Variants in RABGAP1L observed in about 807,000 individuals in gnomAD.
RABGAP1L encodes the protein rab GTPase-activating protein 1-like.
Under a neutral mutation model 137.7 loss-of-function variants are expected in RABGAP1L, and 63 were observed. The ratio of observed to expected loss-of-function variants is 0.46; its 90% confidence interval spans 0.37 to 0.56. The LOEUF (loss-of-function observed/expected upper bound fraction) is 0.56. Ranked by LOEUF, RABGAP1L falls within the 20% of genes least tolerant of loss-of-function variation. The pLI is 0.00. For synonymous variants in RABGAP1L, 431 were observed against 433.7 expected (o/e 0.99, Z 0.08); for missense variants, 1,095 against 1,244.0 (o/e 0.88, Z 1.80).
chr1:174,633,411 A>G lies in RABGAP1L; in HGVS notation c.1711-3964A>G, dbSNP rs554887023. On this transcript the variant is annotated intron_variant, in intron 13 of 25. Coordinates refer to ENST00000681986, the MANE Select transcript of RABGAP1L (RefSeq NM_001366446.1). ...ATACAAACAAATGGAAGAACATTCC[A>G]TGCTCATGAGTAGGAAGAATCAATA... 6.3e-3 allele frequency among the ~76,000 whole-genome samples: 954 copies of G among 151,356 alleles called. 12 individuals carry two copies. Among genetic ancestry groups the G allele is most frequent in the African/African-American group, 0.023 (921 of 40,924 alleles).
At chr1:174,839,344 C>G (rs1164248055) in intron 19 of RABGAP1L, among the ~76,000 whole-genome samples, 1 of 152,114 alleles carries the variant, frequency 6.6e-6, no homozygotes, top group African/African-American at 2.4e-5. Context: ...CATGCACATC[C>G]ACACACAGAT....
chr1:174,587,955 C>A (rs1231509386), intron 13 of RABGAP1L, among the ~76,000 whole-genome samples: 2 of 152,058 alleles, frequency 1.3e-5, no homozygotes, highest in Non-Finnish European at 2.9e-5. Context: ...CCTCCGCCTC[C>A]TGTGTTCAAG....
In RABGAP1L at chr1:174,204,723, TGGATCCTGGGGGC is replaced by T. The variant is rs1333749074; in HGVS notation, c.-33-14397_-33-14385del. ...GGGGAGGGACCTGGTGGGAGGTGAT[TGGATCCTGGGGGC>T]GGATGTCTCCCTTGCTGTTCTCATG... On this transcript the variant is annotated intron_variant, in intron 1 of 25. Coordinates refer to ENST00000681986, the MANE Select transcript of RABGAP1L (RefSeq NM_001366446.1). Among the ~76,000 whole-genome samples the T allele has an allele frequency of 7.9e-5, 12 of 152,264 alleles. No individual in the cohort carries two copies. In the East Asian group the frequency reaches 2.3e-3, roughly 29 times the overall value.
chr1:174,747,441 A>G (rs1793304), intron 17 of RABGAP1L, among the ~76,000 whole-genome samples: 1 of 151,622 alleles, frequency 6.6e-6, no homozygotes, highest in African/African-American at 2.4e-5. Context: ...ATAGAATAAC[A>G]AGTTCTTTTC....
At chr1:174,730,837 T>G (rs1682403496) in intron 17 of RABGAP1L, among the ~76,000 whole-genome samples, 1 of 152,160 alleles carries the variant, frequency 6.6e-6, no homozygotes, top group East Asian at 1.9e-4. Flanking sequence ...ATGTATAGAT[T>G]GACTAAAAAG....
intron 7 of RABGAP1L, among the ~76,000 whole-genome samples, chr1:174,254,156 C>T (rs1672931549): frequency 6.6e-6 from 1 of 151,932 alleles, no homozygotes; most frequent in Non-Finnish European, 1.5e-5. Flanking sequence ...TTGAATCCTG[C>T]CAGGCAACAG....
rs1162965138 is a variant in RABGAP1L, at chr1:174,615,979, G to A, written c.1711-21396G>A. Among the ~76,000 whole-genome samples the A allele has an allele frequency of 3.3e-5, 5 of 152,214 alleles. No homozygotes were observed. The East Asian group carries it at 5.8e-4, about 18-fold the overall frequency. On this transcript the variant is annotated intron_variant, in intron 13 of 25. Transcript: ENST00000681986. ...TTACCCGATTTTCCAGGTGCCGTCT[G>A]TCACCCCTTTCTTTGGCTAGCAAAG...
intron 19 of RABGAP1L, among the ~76,000 whole-genome samples, chr1:174,946,916 A>ATG (rs1558267263): frequency 2.0e-5 from 1 of 49,976 alleles, no homozygotes; most frequent in African/African-American, 1.1e-4. Context: ...AAAAAAAAAA[A>ATG]AATATATATA....
chr1:174,971,982 C>T (rs1433233792), intron 21 of RABGAP1L, among the ~76,000 whole-genome samples: 2 of 152,242 alleles, frequency 1.3e-5, no homozygotes, highest in African/African-American at 4.8e-5. Flanking sequence ...TAATTTCAGG[C>T]TTCCTGGGCA....
chr1:174,333,294 T>A (rs937600158), intron 11 of RABGAP1L, among the ~76,000 whole-genome samples: 8 of 152,150 alleles, frequency 5.3e-5, no homozygotes, highest in African/African-American at 1.9e-4. Flanking sequence ...ATCGGATATT[T>A]CACATAGCTA....
intron 8 of RABGAP1L, among the ~76,000 whole-genome samples, chr1:174,273,452 AT>A (rs1412550943): frequency 6.6e-6 from 1 of 152,066 alleles, no homozygotes; most frequent in Non-Finnish European, 1.5e-5. Flanking sequence ...AGCCACAGAA[AT>A]ATAGAGGAAG....
chr1:174,848,916 G>C (rs1205816832), intron 19 of RABGAP1L, among the ~76,000 whole-genome samples: 1 of 150,802 alleles, frequency 6.6e-6, no homozygotes, highest in Non-Finnish European at 1.5e-5. Context: ...CCAGGTGTGG[G>C]ATATAGTCTC....
At chr1:174,743,541 C>A (rs1683621998) in intron 17 of RABGAP1L, among the ~76,000 whole-genome samples, 1 of 152,120 alleles carries the variant, frequency 6.6e-6, no homozygotes, top group African/African-American at 2.4e-5. Context: ...TCAGATGTCA[C>A]AAACCTCTAA....
chr1:174,918,374 A>T (rs1319605448), intron 19 of RABGAP1L, among the ~76,000 whole-genome samples: 1 of 152,180 alleles, frequency 6.6e-6, no homozygotes, highest in East Asian at 1.9e-4. Flanking sequence ...GTACATTTCT[A>T]TGATTCCATA....
At chr1:174,739,590 A>G (rs1467037700) in intron 17 of RABGAP1L, among the ~76,000 whole-genome samples, 1 of 152,190 alleles carries the variant, frequency 6.6e-6, no homozygotes, top group African/African-American at 2.4e-5. Context: ...TTGACCTAAG[A>G]TGGATCTCCT....
At chr1:174,970,238 A>G (rs17302165) in intron 21 of RABGAP1L, among the ~76,000 whole-genome samples, 30,256 of 152,064 alleles carry the variant, frequency 0.2, 3,293 homozygotes, top group Admixed American at 0.24. Context: ...TCTCCATTCA[A>G]TCAGGGTCAA....
At chr1:174,947,891 C>T (rs1265212123) in intron 19 of RABGAP1L, among the ~76,000 whole-genome samples, 1 of 152,158 alleles carries the variant, frequency 6.6e-6, no homozygotes, top group Non-Finnish European at 1.5e-5. Flanking sequence ...CTAAAATAGT[C>T]CTTCCTGATC....
At chr1:174,970,764 T>C (rs1347579620) in intron 21 of RABGAP1L, among the ~76,000 whole-genome samples, 1 of 152,042 alleles carries the variant, frequency 6.6e-6, no homozygotes, top group Non-Finnish European at 1.5e-5. Context: ...AAAAAATGTA[T>C]ATACAAGGTT....
chr1:174,805,991 A>G (rs1050624038), intron 18 of RABGAP1L, among the ~76,000 whole-genome samples: 5 of 152,190 alleles, frequency 3.3e-5, no homozygotes, highest in Non-Finnish European at 1.5e-5. Context: ...TCTGAAAGCA[A>G]TATAGAAAAG....
Sources: gnomAD v4.1 joint callset for allele counts (sites outside exome capture counted in the v4.1 genomes callset) on GRCh38, gnomAD v4.1.1 for gene constraint, MANE v1.5 for transcripts, NCBI Gene and HGNC (gene_info 2026-07-23, HGNC 2026-07-21) for gene names.